Variants in MPP3 observed in about 807,000 individuals in gnomAD.
MPP3 encodes the protein MAGUK p55 scaffold protein 3, also known as MAGUK p55 subfamily member 3.
A neutral mutation model predicts 80.7 loss-of-function variants in MPP3; 48 were observed. That is an observed-to-expected ratio of 0.59 (90% CI 0.47 to 0.76). The LOEUF (loss-of-function observed/expected upper bound fraction) is 0.76. MPP3 is among the 30% of genes least tolerant of loss of function. MPP3 has a pLI of 0.00. For missense variants in MPP3, 620 were observed against 763.0 expected (o/e 0.81, Z 2.21); for synonymous variants, 311 against 297.6 (o/e 1.04, Z -0.46).
chr17:43,806,091 ATT>A (rs746271777), intron 19 of MPP3, among the ~76,000 whole-genome samples: 56 of 151,980 alleles, frequency 3.7e-4, no homozygotes, highest in Admixed American at 1.4e-3. Flanking sequence ...CTGATTTTTT[ATT>A]TTGATTTATT....
rs748666507 is a variant in MPP3 at position 43,820,920 on chromosome 17, G to A, written c.823C>T (p.Arg275Ter). Residue 275 changes from arginine (R) to a stop codon, truncating the protein, a stop_gained, in exon 11 of 20, where the codon CGA becomes TGA. Transcript: ENST00000398389. LOFTEE classifies it high-confidence loss of function. ...GCTCGAAGGTTGGTGTCCCCGACTC[G>A]CTTGGCCTGCCACCACGTGGGGTCG... ...QDDPTWWQAK[R>*]VGDTNLRAGL... 6.8e-6 allele frequency: 11 copies of A among 1,613,992 alleles called. No individual in the cohort carries two copies. Among genetic ancestry groups the A allele is most frequent in the African/African-American group, 1.3e-5 (1 of 74,928 alleles).
At chr17:43,825,516 A>C in intron 9 of MPP3, 1 of 421,746 alleles carries the variant, frequency 2.4e-6, no homozygotes, top group Non-Finnish European at 4.3e-6. Flanking sequence ...AACCAGGGGA[A>C]GGAAGGAAGG....
chr17:43,808,961 G>A lies in MPP3; in HGVS notation c.1576C>T (p.Pro526Ser), dbSNP rs1426040318. ...MSPACEDTAA[P>S]FDEQQQEMAA... Reference sequence around the variant, plus strand: ...ACAATCAACTTTAAACTTACAAATGGGGCTGCTGTGTCCTCACAAGCTGGG... The same window carrying A: ...ACAATCAACTTTAAACTTACAAATGAGGCTGCTGTGTCCTCACAAGCTGGG... The change falls in exon 19 of 20, where the codon CCA becomes TCA. Residue 526 changes from proline to serine, a missense_variant. Physicochemically the swap from Pro to Ser is moderately conservative, Grantham distance 74. Coordinates refer to ENST00000398389, the MANE Select transcript of MPP3 (RefSeq NM_001932.6). 1 of 1,597,164 alleles carries A rather than the reference G, an allele frequency of 6.3e-7. No individual in the cohort carries two copies. The highest frequency in any genetic ancestry group is 8.5e-7 in the Non-Finnish European group (1 of 1,175,988).
intron 13 of MPP3, 90 bp from the exon 14 acceptor site, chr17:43,816,169 G>A: frequency 8.6e-7 from 1 of 1,164,394 alleles, no homozygotes; most frequent in Non-Finnish European, 1.2e-6. Context: ...CAGGCAGGAA[G>A]AGCCCCCTGG....
rs780762987 is a variant in MPP3 at position 43,820,895 on chromosome 17, G to A, written c.848C>T (p.Ala283Val). The change falls in exon 11 of 20, where the codon GCC (alanine) becomes GTC (valine). Residue 283 changes from alanine (A) to valine (V), a missense_variant. Ala to Val is a moderately conservative substitution (Grantham distance 64, BLOSUM62 0). Coordinates refer to ENST00000398389, the MANE Select transcript of MPP3 (RefSeq NM_001932.6). ...AKRVGDTNLR[A>V]GLIPSKGFQE... ...GAACCCCTTGGAGGGGATGAGGCCG[G>A]CTCGAAGGTTGGTGTCCCCGACTCG... 3 of 1,614,066 alleles carry A rather than the reference G, an allele frequency of 1.9e-6. No individual in the cohort carries two copies. The highest frequency in any genetic ancestry group is 1.7e-6 in the Non-Finnish European group (2 of 1,180,030).
At chr17:43,807,674 G>A (rs1026932814) in intron 19 of MPP3, among the ~76,000 whole-genome samples, 5 of 152,056 alleles carry the variant, frequency 3.3e-5, no homozygotes, top group African/African-American at 1.2e-4. Flanking sequence ...AATTTACTGA[G>A]ACCAGATACG....
intron 12 of MPP3, 102 bp downstream of exon 12, chr17:43,817,944 T>C: frequency 1.7e-6 from 1 of 604,882 alleles, no homozygotes; most frequent in Non-Finnish European, 2.6e-6. Context: ...ACAAGACCCC[T>C]GATGCCCCCT....
chr17:43,814,009 AC>A lies in MPP3; in HGVS notation c.1255+1del. On this transcript the variant is annotated splice_donor_variant, in intron 16 of 19. Coordinates refer to ENST00000398389, the MANE Select transcript of MPP3 (RefSeq NM_001932.6). LOFTEE classifies it high-confidence loss of function. ...CACACACTCCCACATGGGCCCTCTTACGTGGAACAGCGACGCCAAAGTGCTG... is the reference window on the plus strand; with the variant it reads ...CACACACTCCCACATGGGCCCTCTTAGTGGAACAGCGACGCCAAAGTGCTG... The A allele has an allele frequency of 1.2e-6, 2 of 1,610,132 alleles. No individual in the cohort carries two copies. Among genetic ancestry groups the A allele is most frequent in the Non-Finnish European group, 1.7e-6 (2 of 1,177,462 alleles).
intron 19 of MPP3, 44 bp downstream of exon 19, chr17:43,808,912 C>T (rs2154591170): frequency 8.9e-6 from 14 of 1,567,642 alleles, no homozygotes; most frequent in Non-Finnish European, 1.2e-5. Flanking sequence ...CTGTAACAGC[C>T]TCCCTTAGGC....
At position 43,824,054 on chromosome 17, in the gene MPP3, CA is replaced by C. The variant is rs757067767; in HGVS notation, c.610-50del. ...TTCTCGCCTACCAGGTCTAACCCTC[CA>C]AGAGTTCAACTCCTACTTCTCAGGC... On this transcript the variant is annotated intron_variant, in intron 9 of 19. Transcript: ENST00000398389. 5.1e-6 allele frequency: 7 copies of C among 1,371,614 alleles called. No homozygotes were observed. In the East Asian group the frequency reaches 1.7e-4, roughly 33 times the overall value. The allele number at this position is 1,371,614 out of a possible 1,614,324, so 85.0% of individuals were successfully genotyped here. A position where few individuals can be genotyped will look rare whatever the true frequency, so the allele number is the denominator to read the frequency against.
chr17:43,806,284 G>A (rs187994022), intron 19 of MPP3, among the ~76,000 whole-genome samples: 23 of 152,208 alleles, frequency 1.5e-4, no homozygotes, highest in Admixed American at 9.8e-4. Flanking sequence ...TCCTGCCTCA[G>A]CCTCCCGAGT....
intron 12 of MPP3, 103 bp from the exon 13 acceptor site, chr17:43,816,800 C>T (rs1443617270): frequency 9.2e-6 from 10 of 1,087,962 alleles, no homozygotes; most frequent in Non-Finnish European, 1.4e-5. Flanking sequence ...AGCCCGCCAT[C>T]TGGCCTCTTT....
At chr17:43,817,623 C>T (rs1296793377) in intron 12 of MPP3, among the ~76,000 whole-genome samples, 1 of 152,082 alleles carries the variant, frequency 6.6e-6, no homozygotes. Flanking sequence ...TTGTATTTGC[C>T]CAGTCTGGCA....
In MPP3 at chr17:43,818,084, C is replaced by T. The variant is rs954938519; in HGVS notation, c.908G>A (p.Gly303Asp). The T allele has an allele frequency of 1.3e-6, 2 of 1,571,740 alleles. No homozygotes were observed. The highest frequency in any genetic ancestry group is 1.4e-5 in the African/African-American group (1 of 73,122). The part of the protein sequence containing the change: ...ERRLSYRRAA[G>D]TLPSPQSLRK... ...GAGGCTCTGGGGGCTCGGCAGGGTGCCCGCGGCTCTCCGGTAGCTTAGTCG... is the reference window on the plus strand; with the variant it reads ...GAGGCTCTGGGGGCTCGGCAGGGTGTCCGCGGCTCTCCGGTAGCTTAGTCG... The change falls in exon 12 of 20, where the codon GGC becomes GAC. Residue 303 changes from glycine to aspartate, a missense_variant. Physicochemically the swap from Gly to Asp is moderately conservative, Grantham distance 94. Transcript: ENST00000398389.
Position 43,818,087 on chromosome 17 carries a change from G to A in MPP3, c.905C>T (p.Ala302Val), listed in dbSNP as rs556742301. The A allele has an allele frequency of 1.2e-4, 194 of 1,569,604 alleles. No homozygotes were observed. Among genetic ancestry groups the A allele is most frequent in the Admixed American group, 3.6e-4 (20 of 55,344 alleles). The change falls in exon 12 of 20, where the codon GCG (alanine) becomes GTG (valine). Residue 302 changes from alanine (A) to valine (V), a missense_variant. By Grantham distance (64) the Ala-to-Val change is moderately conservative (BLOSUM62 0). Coordinates refer to ENST00000398389, the MANE Select transcript of MPP3 (RefSeq NM_001932.6). ...QERRLSYRRA[A>V]GTLPSPQSLR... Reference sequence around the variant, plus strand: ...GCTCTGGGGGCTCGGCAGGGTGCCCGCGGCTCTCCGGTAGCTTAGTCGTCT... The same window carrying A: ...GCTCTGGGGGCTCGGCAGGGTGCCCACGGCTCTCCGGTAGCTTAGTCGTCT...
chr17:43,831,801 C>T, intron 3 of MPP3, 81 bp downstream of exon 3: 1 of 1,483,522 alleles, frequency 6.7e-7, no homozygotes, highest in Middle Eastern at 2.4e-4. Context: ...TCCCCAGGCT[C>T]TCACTGCCAG....
chr17:43,831,612 TCTC>T lies in MPP3; in HGVS notation c.88_90del (p.Glu30del), dbSNP rs2045963835. ...CTGAAAACATCCCTCAGGAAGCCCA[TCTC>T]CTCCTTGTGGTTGGAGTCAGGTCTG... On this transcript the variant is annotated inframe_deletion, in exon 4 of 20. Transcript: ENST00000398389. The T allele has an allele frequency of 3.1e-6, 5 of 1,613,848 alleles. No homozygotes were observed. The South Asian group carries it at 5.5e-5, about 18-fold the overall frequency.
intron 10 of MPP3, among the ~76,000 whole-genome samples, chr17:43,821,896 A>G (rs1192649734): frequency 6.6e-6 from 1 of 152,230 alleles, no homozygotes; most frequent in Non-Finnish European, 1.5e-5. Flanking sequence ...ACTTTCTGGC[A>G]TATGTTGTGG....
chr17:43,815,941 C>G (rs1335372307), intron 14 of MPP3, 97 bp downstream of exon 14: 1 of 1,140,076 alleles, frequency 8.8e-7, no homozygotes, highest in Non-Finnish European at 1.2e-6. Flanking sequence ...TCCAGAAGGA[C>G]TCCTGGGGCT....
Sources: allele counts gnomAD v4.1 joint callset (sites outside exome capture counted in the v4.1 genomes callset), GRCh38; gene constraint gnomAD v4.1.1; transcripts MANE v1.5; gene names NCBI Gene and HGNC (gene_info 2026-07-23, HGNC 2026-07-21).